The following LCN10 variants were observed in gnomAD, a reference collection of about 807,000 sequenced individuals.
The protein encoded by LCN10 is epididymal-specific lipocalin-10.
A neutral mutation model predicts 25.1 loss-of-function variants in LCN10; 18 were observed. That is an observed-to-expected ratio of 0.72 (90% confidence interval 0.50 to 1.06). The LOEUF is 1.06. Among genes scored for constraint, LCN10 ranks in the 50% least tolerant of loss-of-function variants. The probability of loss-of-function intolerance (pLI) is 0.00; values close to 1 mark genes in which losing one functional copy is unlikely to be tolerated. For missense variants in LCN10, 257 were observed against 258.9 expected, an observed-to-expected ratio of 0.99 and a Z score of 0.05; for synonymous variants, 130 against 116.7, an observed-to-expected ratio of 1.11 and a Z score of -0.73.
Position 136,740,118 on chromosome 9 carries a change from C to A in LCN10, c.476-70G>T. 9.9e-7 allele frequency: 1 copy of A among 1,013,598 alleles called. No individual in the cohort carries two copies. The highest frequency in any genetic ancestry group is 1.5e-6 in the Non-Finnish European group (1 of 656,678). 62.8% of individuals were successfully genotyped at this position (1,013,598 alleles called of 1,614,324 possible). Reference sequence around the variant, plus strand: ...ATTTTAGGGTCTGCACCCTGACCCCCATCCCTACCCCAGGAGCTGCTGAAA... The same window carrying A: ...ATTTTAGGGTCTGCACCCTGACCCCAATCCCTACCCCAGGAGCTGCTGAAA... On this transcript the variant is annotated intron_variant, in intron 4 of 5. Coordinates refer to ENST00000497771, the MANE Select transcript of LCN10 (RefSeq NM_001001712.3). The surrounding 1 kb of genome is among the most constrained non-coding windows in gnomAD (Gnocchi z 5.3).
chr9:136,740,021 C>A lies in LCN10; in HGVS notation c.503G>T (p.Ser168Ile). 1.9e-6 allele frequency: 3 copies of A among 1,581,644 alleles called. No individual in the cohort carries two copies. Among genetic ancestry groups the A allele is most frequent in the Non-Finnish European group, 1.7e-6 (2 of 1,163,438 alleles). Reference protein sequence around the residue: ...FHRQNVSSFQSLKEFMDACDI... With the variant: ...FHRQNVSSFQILKEFMDACDI... Reference sequence around the variant, plus strand: ...ACAAGCGTCCATGAATTCCTTCAGACTCTGGAAGCTCGAAACATTCTGCCT... The same window carrying A: ...ACAAGCGTCCATGAATTCCTTCAGAATCTGGAAGCTCGAAACATTCTGCCT... Residue 168 changes from serine (S) to isoleucine (I), a missense_variant, in exon 5 of 6, where the codon AGT (serine) becomes ATT (isoleucine). By Grantham distance (142) the Ser-to-Ile change is moderately radical. Transcript: ENST00000497771. The surrounding 1 kb of genome is among the most constrained non-coding windows in gnomAD (Gnocchi z 5.3).
Position 136,740,101 on chromosome 9 carries a change from G to T in LCN10, c.476-53C>A, listed in dbSNP as rs1410147598. ...AGACTCCAGCTCTGGCCATTTTAGGGTCTGCACCCTGACCCCCATCCCTAC... is the reference window on the plus strand; with the variant it reads ...AGACTCCAGCTCTGGCCATTTTAGGTTCTGCACCCTGACCCCCATCCCTAC... On this transcript the variant is annotated intron_variant, in intron 4 of 5. Coordinates refer to ENST00000497771, the MANE Select transcript of LCN10 (RefSeq NM_001001712.3). The surrounding 1 kb of genome is among the most constrained non-coding windows in gnomAD (Gnocchi z 5.3). 1.7e-6 allele frequency: 2 copies of T among 1,208,588 alleles called. No homozygotes were observed. The highest frequency in any genetic ancestry group is 2.4e-6 in the Non-Finnish European group (2 of 833,868). 74.9% of individuals were successfully genotyped at this position (1,208,588 alleles called of 1,614,324 possible).
Position 136,740,868 on chromosome 9 carries a change from G to A in LCN10, c.443C>T (p.Ala148Val). 3.1e-6 allele frequency: 5 copies of A among 1,613,428 alleles called. No individual in the cohort carries two copies. Among genetic ancestry groups the A allele is most frequent in the South Asian group, 2.2e-5 (2 of 91,088 alleles). ...YGLVYLRLGRATQNYKNLLLF... is the reference protein window; with the variant it reads ...YGLVYLRLGRVTQNYKNLLLF... ...CAGCAGGTTCTTGTAGTTTTGGGTT[G>A]CACGCCCCAGGCGGAGGTAGACCAA... is the stretch of plus-strand genomic sequence containing the variant. The change falls in exon 4 of 6, where the codon GCA becomes GTA. Residue 148 changes from alanine to valine, a missense_variant. By Grantham distance (64) the Ala-to-Val change is moderately conservative (BLOSUM62 0). Transcript: ENST00000497771. The surrounding 1 kb of genome is among the most constrained non-coding windows in gnomAD (Gnocchi z 5.3).
chr9:136,741,368 C>T lies in LCN10; in HGVS notation c.258-7G>A. On this transcript the variant is annotated splice_polypyrimidine_tract_variant and splice_region_variant and intron_variant, in intron 2 of 5. Coordinates refer to ENST00000497771, the MANE Select transcript of LCN10 (RefSeq NM_001001712.3). ...GGACTGGCACCCCTTCAACCTGGGGCCAAGGCGGGGGCTCAGGCTGCAGAC... is the reference window on the plus strand; with the variant it reads ...GGACTGGCACCCCTTCAACCTGGGGTCAAGGCGGGGGCTCAGGCTGCAGAC... The T allele has an allele frequency of 6.2e-7, 1 of 1,604,124 alleles. No homozygotes were observed.
In LCN10 at chr9:136,741,523, G is replaced by A. The variant is rs567894957; in HGVS notation, c.258-162C>T. 9.5e-5 allele frequency: 59 copies of A among 620,674 alleles called. 1 individual carries two copies. In the South Asian group the frequency reaches 9.9e-4, roughly 10 times the overall value. The allele number at this position is 620,674 out of a possible 1,614,324, so 38.4% of individuals were successfully genotyped here. ...AGTTTTTTGCTTCACTATCCAACTC[G>A]TGTCAATCTGAGGCTCTGTGGTTTG... On this transcript the variant is annotated intron_variant, in intron 2 of 5. Coordinates refer to ENST00000497771, the MANE Select transcript of LCN10 (RefSeq NM_001001712.3).
chr9:136,740,856 T>G lies in LCN10; in HGVS notation c.455A>C (p.Tyr152Ser). 6.2e-7 allele frequency: 1 copy of G among 1,613,198 alleles called. No individual in the cohort carries two copies. Residue 152 changes from tyrosine (Y) to serine (S), a missense_variant, in exon 4 of 6, where the codon TAC (tyrosine) becomes TCC (serine). Physicochemically the swap from Tyr to Ser is moderately radical, Grantham distance 144. Transcript: ENST00000497771. The surrounding 1 kb of genome is among the most constrained non-coding windows in gnomAD (Gnocchi z 5.3). ...CTCACGGAAGAGCAGCAGGTTCTTGTAGTTTTGGGTTGCACGCCCCAGGCG... is the reference window on the plus strand; with the variant it reads ...CTCACGGAAGAGCAGCAGGTTCTTGGAGTTTTGGGTTGCACGCCCCAGGCG... The part of the protein sequence containing the change: ...YLRLGRATQN[Y>S]KNLLLFHRQN...
intron 2 of LCN10, chr9:136,741,587 C>T (rs1008588718): frequency 1.7e-5 from 10 of 605,406 alleles, no homozygotes; most frequent in African/African-American, 7.4e-5. Context: ...TCCCACGGCA[C>T]GAGAGAAACT....
Position 136,739,024 on chromosome 9 carries a change from A to G in LCN10, c.*501T>C, listed in dbSNP as rs558472189. On this transcript the variant is annotated 3_prime_UTR_variant, in exon 6 of 6. Coordinates refer to ENST00000497771, the MANE Select transcript of LCN10 (RefSeq NM_001001712.3). The surrounding 1 kb of genome is among the most constrained non-coding windows in gnomAD (Gnocchi z 6.1). ...TGAAGTTGGCTTCTCCTGATCAGGCATCAACTCTGGGACTGCGTTTGCCGA... is the reference window on the plus strand; with the variant it reads ...TGAAGTTGGCTTCTCCTGATCAGGCGTCAACTCTGGGACTGCGTTTGCCGA... The G allele has an allele frequency of 6.2e-5, 12 of 192,270 alleles. No homozygotes were observed. The East Asian group carries it at 1.7e-3, about 27-fold the overall frequency. 11.9% of individuals were successfully genotyped at this position (192,270 alleles called of 1,614,324 possible). A position where few individuals can be genotyped will look rare whatever the true frequency, so the allele number is the denominator to read the frequency against.
chr9:136,739,453 G>T lies in LCN10; in HGVS notation c.*72C>A. 3 of 1,510,582 alleles carry T rather than the reference G, an allele frequency of 2.0e-6. No homozygotes were observed. The highest frequency in any genetic ancestry group is 2.4e-5 in the South Asian group (2 of 83,282). The allele number at this position is 1,510,582 out of a possible 1,614,324, so 93.6% of individuals were successfully genotyped here. ...TCTCAACAAGCCGTGGTCTCCACTT[G>T]ACATCTGGAACAACGCTCCTCGGGT... On this transcript the variant is annotated 3_prime_UTR_variant, in exon 6 of 6. Transcript: ENST00000497771. This position sits in a 1 kb window ranked among gnomAD's most constrained non-coding sequence, Gnocchi z 6.1.
Position 136,741,072 on chromosome 9 carries a change from GCCCTCCCGGGGCCTC to G in LCN10, c.368-144_368-130del, listed in dbSNP as rs1588297071. Reference sequence around the variant, plus strand: ...GTGCAGGTGTCCAGAGGGACTGAGTGCCCTCCCGGGGCCTCCCCTCCCGGGCCAGGCCGCCCAGCA... The same window carrying G: ...GTGCAGGTGTCCAGAGGGACTGAGTGCCCTCCCGGGCCAGGCCGCCCAGCA... On this transcript the variant is annotated intron_variant, in intron 3 of 5. Transcript: ENST00000497771. 5 of 997,700 alleles carry G rather than the reference GCCCTCCCGGGGCCTC, an allele frequency of 5.0e-6. No homozygotes were observed. In the East Asian group the frequency reaches 1.3e-4, roughly 26 times the overall value. The allele number at this position is 997,700 out of a possible 1,614,324, so 61.8% of individuals were successfully genotyped here.
intron 1 of LCN10, 99 bp downstream of exon 1, chr9:136,742,687 TG>T: frequency 7.0e-7 from 1 of 1,427,898 alleles, no homozygotes; most frequent in South Asian, 1.4e-5. Flanking sequence ...CTGGAACTGC[TG>T]GTAGCCCTGC....
chr9:136,740,765 T>G lies in LCN10; in HGVS notation c.475+71A>C. On this transcript the variant is annotated intron_variant, in intron 4 of 5. Transcript: ENST00000497771. This position sits in a 1 kb window ranked among gnomAD's most constrained non-coding sequence, Gnocchi z 5.3. Reference sequence around the variant, plus strand: ...GCCTCACCTCCTGCCCGGCCCCCTGTGCCCAGCGCCCCTCTATGCCTCCCT... The same window carrying G: ...GCCTCACCTCCTGCCCGGCCCCCTGGGCCCAGCGCCCCTCTATGCCTCCCT... 2 of 1,203,542 alleles carry G rather than the reference T, an allele frequency of 1.7e-6. No individual in the cohort carries two copies. The highest frequency in any genetic ancestry group is 2.3e-6 in the Non-Finnish European group (2 of 857,922). The allele number at this position is 1,203,542 out of a possible 1,614,324, so 74.6% of individuals were successfully genotyped here. A position where few individuals can be genotyped will look rare whatever the true frequency, so the allele number is the denominator to read the frequency against.
chr9:136,740,609 C>T lies in LCN10; in HGVS notation c.475+227G>A. ...GTGGCCTCCGCTCCCCCTGGATGGCCCACCTTTCTCTGCAGCCTCTTCCTG... is the reference window on the plus strand; with the variant it reads ...GTGGCCTCCGCTCCCCCTGGATGGCTCACCTTTCTCTGCAGCCTCTTCCTG... On this transcript the variant is annotated intron_variant, in intron 4 of 5. Coordinates refer to ENST00000497771, the MANE Select transcript of LCN10 (RefSeq NM_001001712.3). This position sits in a 1 kb window ranked among gnomAD's most constrained non-coding sequence, Gnocchi z 5.3. The T allele has an allele frequency of 1.8e-6, 1 of 556,844 alleles. No homozygotes were observed. Among genetic ancestry groups the T allele is most frequent in the East Asian group, 2.9e-5 (1 of 34,878 alleles). 34.5% of individuals were successfully genotyped at this position (556,844 alleles called of 1,614,324 possible). A position where few individuals can be genotyped will look rare whatever the true frequency, so the allele number is the denominator to read the frequency against.
In LCN10 at chr9:136,741,326, C is replaced by T; in HGVS notation, c.293G>A (p.Arg98Lys). ...AAACACCGGCTTCTTCCCGTCTTTC[C>T]TCAGGATCACCTCCTGGGACTGGCA... ...KGCQSQEVILRKDGKKPVFGN... is the reference protein window; with the variant it reads ...KGCQSQEVILKKDGKKPVFGN... Residue 98 changes from arginine to lysine, a missense_variant, in exon 3 of 6, where the codon AGG becomes AAG. By Grantham distance (26) the Arg-to-Lys change is conservative. Coordinates refer to ENST00000497771, the MANE Select transcript of LCN10 (RefSeq NM_001001712.3). 1.9e-6 allele frequency: 3 copies of T among 1,613,226 alleles called. No individual in the cohort carries two copies. Among genetic ancestry groups the T allele is most frequent in the Non-Finnish European group, 2.5e-6 (3 of 1,179,788 alleles).
rs1846893202 is a variant in LCN10 at position 136,739,739 on chromosome 9, T to G, written c.575-186A>C. 1.4e-6 allele frequency: 1 copy of G among 729,330 alleles called. No individual in the cohort carries two copies. Among genetic ancestry groups the G allele is most frequent in the South Asian group, 1.7e-5 (1 of 59,186 alleles). The allele number at this position is 729,330 out of a possible 1,614,324, so 45.2% of individuals were successfully genotyped here. On this transcript the variant is annotated intron_variant, in intron 5 of 5. Coordinates refer to ENST00000497771, the MANE Select transcript of LCN10 (RefSeq NM_001001712.3). This position sits in a 1 kb window ranked among gnomAD's most constrained non-coding sequence, Gnocchi z 6.1. ...GCATCGCCTGGTCGGATGCAGCATC[T>G]GCTCCGGACGCCTCTCGCTGTCGGT... is the stretch of plus-strand genomic sequence containing the variant.
chr9:136,741,304 C>T lies in LCN10; in HGVS notation c.315G>A (p.Val105=), dbSNP rs1364873087. The T allele has an allele frequency of 3.1e-6, 5 of 1,613,528 alleles. No homozygotes were observed. Among genetic ancestry groups the T allele is most frequent in the Non-Finnish European group, 4.2e-6 (5 of 1,179,814 alleles). The change falls in exon 3 of 6, where the codon GTG becomes GTA. Residue 105 remains valine (V), a synonymous_variant. Coordinates refer to ENST00000497771, the MANE Select transcript of LCN10 (RefSeq NM_001001712.3). ...CCGCGTATGCACAGGCGTTCCCAAA[C>T]ACCGGCTTCTTCCCGTCTTTCCTCA... is the stretch of plus-strand genomic sequence containing the variant. ...VILRKDGKKP[V]FGNACAYAAG...
chr9:136,741,947 T>C lies in LCN10; in HGVS notation c.191A>G (p.Lys64Arg). The C allele has an allele frequency of 6.2e-7, 1 of 1,612,030 alleles. No homozygotes were observed. Among genetic ancestry groups the C allele is most frequent in the East Asian group, 2.2e-5 (1 of 44,858 alleles). Residue 64 changes from lysine to arginine, a missense_variant, in exon 2 of 6, where the codon AAG (lysine) becomes AGG (arginine). Transcript: ENST00000497771. ...CACCTTTACCACGGACGCCCCCAGC[T>C]TCCTCTTGTCCCTGGCCGGCAAGAA... Reference protein sequence around the residue: ...QGFLPARDKRKLGASVVKVNK... With the variant: ...QGFLPARDKRRLGASVVKVNK...
Position 136,740,669 on chromosome 9 carries a change from C to A in LCN10, c.475+167G>T, listed in dbSNP as rs890308531. 2 of 597,356 alleles carry A rather than the reference C, an allele frequency of 3.3e-6. No homozygotes were observed. The highest frequency in any genetic ancestry group is 5.9e-5 in the Admixed American group (2 of 34,158). 37.0% of individuals were successfully genotyped at this position (597,356 alleles called of 1,614,324 possible). ...ATCCTTGCTTCAGCGACCTCCAGGA[C>A]CTGACTGCTGTGGTCTCGGCTTCCA... On this transcript the variant is annotated intron_variant, in intron 4 of 5. Transcript: ENST00000497771. The surrounding 1 kb of genome is among the most constrained non-coding windows in gnomAD (Gnocchi z 5.3).
At position 136,738,292 on chromosome 9, in the gene LCN10, G is replaced by A. The variant is rs1846857688; in HGVS notation, c.*1233C>T. The A allele has an allele frequency of 6.6e-6, 1 of 152,240 alleles. No homozygotes were observed. Among genetic ancestry groups the A allele is most frequent in the Admixed American group, 6.5e-5 (1 of 15,282 alleles). 9.4% of individuals were successfully genotyped at this position (152,240 alleles called of 1,614,324 possible). On this transcript the variant is annotated 3_prime_UTR_variant, in exon 6 of 6. Coordinates refer to ENST00000497771, the MANE Select transcript of LCN10 (RefSeq NM_001001712.3). The stretch of plus-strand genomic sequence containing the variant: ...CTGGAACAGACACTTGGAGGGGAGG[G>A]ACAGAGGGGACAGGAATTTACGCTG...
Sources: allele counts gnomAD v4.1 joint callset, GRCh38; gene constraint gnomAD v4.1.1; non-coding constraint Gnocchi (gnomAD v3.1); transcripts MANE v1.5; gene names NCBI Gene and HGNC (gene_info 2026-07-23, HGNC 2026-07-21).